CYLD: variants seen among roughly 807,000 people sequenced by gnomAD.
CYLD encodes the protein CYLD lysine 63 deubiquitinase.
CYLD carries 26 observed loss-of-function variants against 104.5 expected under a neutral mutation model. The ratio of observed to expected loss-of-function variants is 0.25; its 90% CI spans 0.18 to 0.35. The LOEUF is 0.35. Among genes scored for constraint, CYLD ranks in the 10% least tolerant of loss-of-function variants. The pLI is 1.00. For missense variants in CYLD, 703 were observed against 1,136.1 expected, an observed-to-expected ratio of 0.62 and a Z score of 5.48; for synonymous variants, 385 against 399.9, an observed-to-expected ratio of 0.96 and a Z score of 0.45.
chr16:50,784,779 T>G, intron 12 of CYLD: 1 of 280,706 alleles, frequency 3.6e-6, no homozygotes, highest in South Asian at 3.6e-5. Flanking sequence ...AATAGTTTAT[T>G]CCAACACTTC....
intron 5 of CYLD, among the ~76,000 whole-genome samples, chr16:50,771,460 G>A (rs982521125): frequency 2.6e-5 from 4 of 152,188 alleles, no homozygotes; most frequent in African/African-American, 9.7e-5. Flanking sequence ...AAATGCTGCT[G>A]TGAACATTCA....
chr16:50,763,345 G>T (rs1968161860), intron 5 of CYLD, among the ~76,000 whole-genome samples: 1 of 152,022 alleles, frequency 6.6e-6, no homozygotes, highest in Non-Finnish European at 1.5e-5. Flanking sequence ...TGTACAAGTT[G>T]TTGTGTGGAC....
chr16:50,774,115 T>G (rs1969421834), intron 5 of CYLD, among the ~76,000 whole-genome samples: 1 of 152,260 alleles, frequency 6.6e-6, no homozygotes, highest in Non-Finnish European at 1.5e-5. Flanking sequence ...ATAATGGATC[T>G]ATATCGTGGT....
chr16:50,750,538 A>G (rs1035670533), intron 3 of CYLD, among the ~76,000 whole-genome samples: 2 of 152,164 alleles, frequency 1.3e-5, no homozygotes, highest in Non-Finnish European at 2.9e-5. Context: ...ATTCTTGCAA[A>G]TAGAATTGTA....
intron 5 of CYLD, among the ~76,000 whole-genome samples, chr16:50,770,076 C>T (rs1014186640): frequency 1.3e-5 from 2 of 152,006 alleles, no homozygotes; most frequent in Non-Finnish European, 2.9e-5. Flanking sequence ...GGTTTGTTTC[C>T]AGTTTTTGGC....
chr16:50,795,820 GA>G (rs1189847989), intron 18 of CYLD: 4 of 557,658 alleles, frequency 7.2e-6, no homozygotes, highest in Non-Finnish European at 1.3e-5. Context: ...TGGAATCTCT[GA>G]AATCACACCC....
intron 18 of CYLD, 48 bp from the exon 19 acceptor site, chr16:50,796,276 G>C (rs1362559646): frequency 1.1e-5 from 18 of 1,573,986 alleles, no homozygotes; most frequent in Non-Finnish European, 1.4e-5. Context: ...CTGGCAAAAG[G>C]GTTTAGAACT....
At position 50,773,780 on chromosome 16, in the gene CYLD, A is replaced by G. The variant is rs563380853; in HGVS notation, c.914-1386A>G. On this transcript the variant is annotated intron_variant, in intron 5 of 18. Coordinates refer to ENST00000427738, the MANE Select transcript of CYLD (RefSeq NM_001378743.1). ...CCATGAACACAGTTGTGACAAAGTAATAAGAAATATTTGGTGTGTAATTGC... is the reference window on the plus strand; with the variant it reads ...CCATGAACACAGTTGTGACAAAGTAGTAAGAAATATTTGGTGTGTAATTGC... 6.6e-5 allele frequency among the ~76,000 whole-genome samples: 10 copies of G among 152,350 alleles called. No individual in the cohort carries two copies. The East Asian group carries it at 1.7e-3, about 26-fold the overall frequency.
At chr16:50,743,308 A>G (rs1450130162) in intron 2 of CYLD, among the ~76,000 whole-genome samples, 3 of 152,168 alleles carry the variant, frequency 2.0e-5, no homozygotes, top group Non-Finnish European at 4.4e-5. Context: ...AGTAGACTGA[A>G]TGGCCTTAAG....
At chr16:50,746,299 A>C (rs142800985) in intron 2 of CYLD, among the ~76,000 whole-genome samples, 181 of 152,304 alleles carry the variant, frequency 1.2e-3, no homozygotes, top group African/African-American at 4.0e-3. Flanking sequence ...TGGCTTCCCA[A>C]AGTGTTGGGA....
intron 5 of CYLD, among the ~76,000 whole-genome samples, chr16:50,771,901 G>A (rs570694218): frequency 7.5e-4 from 114 of 152,194 alleles, no homozygotes; most frequent in African/African-American, 2.7e-3. Flanking sequence ...TCTCCATTCT[G>A]TTCCATTGAT....
intron 5 of CYLD, among the ~76,000 whole-genome samples, chr16:50,762,379 AT>A (rs1430421985): frequency 6.6e-6 from 1 of 152,244 alleles, no homozygotes; most frequent in Non-Finnish European, 1.5e-5. Context: ...AGGATATGAA[AT>A]ATGGGTACAG....
chr16:50,766,026 G>A (rs971907164), intron 5 of CYLD, among the ~76,000 whole-genome samples: 5 of 152,226 alleles, frequency 3.3e-5, no homozygotes, highest in South Asian at 2.1e-4. Context: ...GTTAATTGAT[G>A]AAAGTGGCTA....
In CYLD at chr16:50,796,779, G is replaced by T; in HGVS notation, c.*271G>T. ...TAATACCTGAAGCTTTAAGTTAAGT[G>T]CATTGATCATATGATATTTTTGGAA... On this transcript the variant is annotated 3_prime_UTR_variant, in exon 19 of 19. Coordinates refer to ENST00000427738, the MANE Select transcript of CYLD (RefSeq NM_001378743.1). 1 of 463,906 alleles carries T rather than the reference G, an allele frequency of 2.2e-6. No individual in the cohort carries two copies. Among genetic ancestry groups the T allele is most frequent in the South Asian group, 2.3e-5 (1 of 42,554 alleles). The allele number at this position is 463,906 out of a possible 1,614,324, so 28.7% of individuals were successfully genotyped here. A position where few individuals can be genotyped will look rare whatever the true frequency, so the allele number is the denominator to read the frequency against.
chr16:50,801,557 C>T lies in CYLD; in HGVS notation c.*5049C>T, dbSNP rs187446083. ...CCTTGGTTTTAGTTTATAAAATGGCCTAGTACTGTGGAATTTTAATTTTAG... is the reference window on the plus strand; with the variant it reads ...CCTTGGTTTTAGTTTATAAAATGGCTTAGTACTGTGGAATTTTAATTTTAG... On this transcript the variant is annotated 3_prime_UTR_variant, in exon 19 of 19. Coordinates refer to ENST00000427738, the MANE Select transcript of CYLD (RefSeq NM_001378743.1). 2 of 233,656 alleles carry T rather than the reference C, an allele frequency of 8.6e-6. No individual in the cohort carries two copies. Among genetic ancestry groups the T allele is most frequent in the Admixed American group, 1.1e-4 (2 of 17,788 alleles). The allele number at this position is 233,656 out of a possible 1,614,324, so 14.5% of individuals were successfully genotyped here. A position where few individuals can be genotyped will look rare whatever the true frequency, so the allele number is the denominator to read the frequency against.
At position 50,790,784 on chromosome 16, in the gene CYLD, G is replaced by A. The variant is rs151109063; in HGVS notation, c.2109-774G>A. 1.9e-3 allele frequency among the ~76,000 whole-genome samples: 295 copies of A among 151,978 alleles called. 4 individuals carry two copies. The highest frequency in any genetic ancestry group is 6.7e-3 in the African/African-American group (279 of 41,440). On this transcript the variant is annotated intron_variant, in intron 14 of 18. Coordinates refer to ENST00000427738, the MANE Select transcript of CYLD (RefSeq NM_001378743.1). Reference sequence around the variant, plus strand: ...TTAAAATCTAGATATAAGTTTAGATGTAAATAGTCTAACTTTATATCCAGA... The same window carrying A: ...TTAAAATCTAGATATAAGTTTAGATATAAATAGTCTAACTTTATATCCAGA...
intron 5 of CYLD, among the ~76,000 whole-genome samples, chr16:50,756,663 T>C (rs547501180): frequency 1.2e-4 from 18 of 152,312 alleles, no homozygotes; most frequent in Non-Finnish European, 2.2e-4. Context: ...GTGATTCTCA[T>C]TGAGCATTAT....
rs1967480733 is a variant in CYLD at position 50,758,147 on chromosome 16, G to A, written c.913+3723G>A. The stretch of plus-strand genomic sequence containing the variant: ...GTGAGGAGGAAGGGAGCACTAGGTT[G>A]TAGGGCGGGATTTTTCGATTTCATG... On this transcript the variant is annotated intron_variant, in intron 5 of 18. Transcript: ENST00000427738. Among the ~76,000 whole-genome samples the A allele has an allele frequency of 2.0e-5, 3 of 152,332 alleles. No individual in the cohort carries two copies. The South Asian group carries it at 6.2e-4, about 32-fold the overall frequency.
intron 18 of CYLD, chr16:50,795,722 C>T: frequency 1.6e-6 from 1 of 632,286 alleles, no homozygotes; most frequent in South Asian, 1.8e-5. Flanking sequence ...TAGATGTGCC[C>T]CCAACCCAGT....
Sources: allele counts gnomAD v4.1 joint callset (sites outside exome capture counted in the v4.1 genomes callset), GRCh38; gene constraint gnomAD v4.1.1; transcripts MANE v1.5; gene names NCBI Gene and HGNC (gene_info 2026-07-23, HGNC 2026-07-21).